FKBP5: variants seen among roughly 807,000 people sequenced by gnomAD.
FKBP5 encodes the protein peptidyl-prolyl cis-trans isomerase FKBP5.
A neutral mutation model predicts 50.5 loss-of-function variants in FKBP5; 23 were observed. The observed-to-expected ratio is 0.46, with a 90% confidence interval of 0.33 to 0.65. The LOEUF (loss-of-function observed/expected upper bound fraction) is 0.65, where lower values mean the gene tolerates loss of function less well. FKBP5 is among the 30% of genes least tolerant of loss of function. The probability of loss-of-function intolerance (pLI) is 0.02; values close to 1 mark genes in which losing one functional copy is unlikely to be tolerated. For missense variants in FKBP5, 411 were observed against 553.1 expected, an observed-to-expected ratio of 0.74 and a Z score of 2.58; for synonymous variants, 176 against 190.6, an observed-to-expected ratio of 0.92 and a Z score of 0.63.
chr6:35,633,612 T>C (rs1764227517), intron 3 of FKBP5, among the ~76,000 whole-genome samples: 1 of 152,112 alleles, frequency 6.6e-6, no homozygotes, highest in East Asian at 1.9e-4. Flanking sequence ...GTTTCTTGTT[T>C]TGTAGGCAAC....
At chr6:35,602,000 C>T (rs568971185) in intron 5 of FKBP5, among the ~76,000 whole-genome samples, 4 of 152,244 alleles carry the variant, frequency 2.6e-5, no homozygotes, top group Admixed American at 2.0e-4. Flanking sequence ...CCACATCAAG[C>T]GAGCTGCAAA....
At position 35,628,326 on chromosome 6, in the gene FKBP5, T is replaced by A. The variant is rs77772634; in HGVS notation, c.251-8052A>T. Among the ~76,000 whole-genome samples, 95 of 152,278 alleles carry A rather than the reference T, an allele frequency of 6.2e-4. 1 individual carries two copies. In the East Asian group the frequency reaches 0.011, roughly 18 times the overall value. ...ACATTTACATTTGAATATGAGCATC[T>A]TGAACACACTATAGGATGAAAGCTA... On this transcript the variant is annotated intron_variant, in intron 3 of 10. Transcript: ENST00000357266.
rs542584290 is a variant in FKBP5, at chr6:35,666,605, T to C, written c.-20+22199A>G. Among the ~76,000 whole-genome samples, 6 of 152,184 alleles carry C rather than the reference T, an allele frequency of 3.9e-5. 2 individuals are homozygous for C. The highest frequency in any genetic ancestry group is 3.3e-4 in the Admixed American group (5 of 15,280). Reference sequence around the variant, plus strand: ...TCTATTTGTGTAAAGAAAATGTATATGAAGGCTGGGCACGGTGGCTCACGC... The same window carrying C: ...TCTATTTGTGTAAAGAAAATGTATACGAAGGCTGGGCACGGTGGCTCACGC... On this transcript the variant is annotated intron_variant, in intron 1 of 10. Transcript: ENST00000357266.
chr6:35,629,323 C>A (rs1246706620), intron 3 of FKBP5, among the ~76,000 whole-genome samples: 1 of 152,138 alleles, frequency 6.6e-6, no homozygotes, highest in East Asian at 1.9e-4. Flanking sequence ...CCAGGCTGGT[C>A]TTGAACCCTT....
At chr6:35,692,804 A>AG (rs1225742407), upstream of FKBP5, among the ~76,000 whole-genome samples, 18 of 151,316 alleles carry the variant, frequency 1.2e-4, no homozygotes, top group Non-Finnish European at 2.1e-4. Context: ...AAAAAAAAAA[A>AG]AAAAGAAGAG....
intron 3 of FKBP5, 59 bp from the exon 4 acceptor site, chr6:35,620,333 T>C: frequency 1.3e-6 from 2 of 1,562,170 alleles, no homozygotes; most frequent in East Asian, 2.3e-5. Flanking sequence ...GATTTAACTT[T>C]CATAAAACCA....
chr6:35,692,063 G>C (rs78695908), upstream of FKBP5, among the ~76,000 whole-genome samples: 249 of 152,316 alleles, frequency 1.6e-3, 1 homozygote, highest in African/African-American at 5.6e-3. Flanking sequence ...TTGTGGAACT[G>C]CTCAAACCAC....
Position 35,574,418 on chromosome 6 carries a change from TTCTTAGGC to T in FKBP5, c.*1409_*1416del, listed in dbSNP as rs1762152203. The T allele has an allele frequency of 6.6e-6, 1 of 152,248 alleles. No individual in the cohort carries two copies. The highest frequency in any genetic ancestry group is 1.5e-5 in the Non-Finnish European group (1 of 68,044). The allele number at this position is 152,248 out of a possible 1,614,324, so 9.4% of individuals were successfully genotyped here. On this transcript the variant is annotated 3_prime_UTR_variant, in exon 11 of 11. Coordinates refer to ENST00000357266, the MANE Select transcript of FKBP5 (RefSeq NM_004117.4). ...TTGCCAAATGCATTCCCATGAGTGT[TTCTTAGGC>T]TGAGGGAATAGAGAGCCATGCTCAA... is the stretch of plus-strand genomic sequence containing the variant.
At chr6:35,686,144 G>A (rs1320918845) in intron 1 of FKBP5, among the ~76,000 whole-genome samples, 1 of 151,928 alleles carries the variant, frequency 6.6e-6, no homozygotes, top group East Asian at 1.9e-4. Flanking sequence ...TATACCTGAG[G>A]GTAAATGGCT....
At chr6:35,589,232 G>A (rs1242391188) in intron 7 of FKBP5, among the ~76,000 whole-genome samples, 6 of 150,100 alleles carry the variant, frequency 4.0e-5, no homozygotes, top group Middle Eastern at 6.8e-3. Flanking sequence ...GGGTTCAAGC[G>A]ATTCACCTGT....
At chr6:35,580,526 CTTTTTTTTTTTT>C (rs34594222) in intron 8 of FKBP5, 13 of 54,676 alleles carry the variant, frequency 2.4e-4, no homozygotes, top group East Asian at 6.6e-4. Context: ...ATTCTTTAGT[CTTTTTTTTTTTT>C]TTTTTTTTTT....
chr6:35,626,267 A>G (rs779719413), intron 3 of FKBP5, among the ~76,000 whole-genome samples: 11 of 152,218 alleles, frequency 7.2e-5, no homozygotes, highest in Non-Finnish European at 1.6e-4. Flanking sequence ...GGCAGGTGAA[A>G]AAGTTTAAAA....
rs1762250556 is a variant in FKBP5 at position 35,577,241 on chromosome 6, T to A, written c.1027-8A>T. 1.0e-5 allele frequency: 16 copies of A among 1,560,326 alleles called. No homozygotes were observed. The highest frequency in any genetic ancestry group is 1.3e-5 in the Non-Finnish European group (15 of 1,153,590). On this transcript the variant is annotated splice_region_variant and splice_polypyrimidine_tract_variant and intron_variant, in intron 9 of 10. Transcript: ENST00000357266. ...ACTGTCCAGTCCAAGGGCCTAGGAA[T>A]AGATGGTCTATATTTTAGAAAGGAC...
chr6:35,585,825 T>C, intron 8 of FKBP5: 1 of 985,372 alleles, frequency 1.0e-6, no homozygotes, highest in Non-Finnish European at 1.2e-6. Context: ...CCCAATATTG[T>C]CTCAGCTCAA....
At chr6:35,616,536 C>T (rs528648723) in intron 5 of FKBP5, among the ~76,000 whole-genome samples, 9 of 151,958 alleles carry the variant, frequency 5.9e-5, no homozygotes, top group South Asian at 2.1e-4. Flanking sequence ...TATAAGGGAA[C>T]GCGCTATACT....
At chr6:35,685,938 C>T (rs913345455) in intron 1 of FKBP5, among the ~76,000 whole-genome samples, 6 of 148,258 alleles carry the variant, frequency 4.0e-5, no homozygotes, top group South Asian at 2.1e-4. Context: ...GCCGAGACTG[C>T]GCCCTTGCAC....
rs928392571 is a variant in FKBP5 at position 35,704,912 on chromosome 6, C to T, written c.-20+15416G>A. 7.2e-5 allele frequency among the ~76,000 whole-genome samples: 11 copies of T among 151,748 alleles called. No individual in the cohort carries two copies. The South Asian group carries it at 1.5e-3, about 20-fold the overall frequency. On this transcript the variant is annotated intron_variant, in intron 2 of 11. Coordinates refer to the FKBP5 transcript ENST00000536438. ...ATCCCAGCACTTTGGGAGGCCGAGG[C>T]GGGCGGATCACGAGGTCAGGAAATC...
At chr6:35,688,485 C>G (rs1276005746) in intron 1 of FKBP5, among the ~76,000 whole-genome samples, 1 of 151,954 alleles carries the variant, frequency 6.6e-6, no homozygotes, top group African/African-American at 2.4e-5. Context: ...CGACCCGCCT[C>G]GCCTCTGCCG....
At chr6:35,679,525 A>C (rs1319137365) in intron 1 of FKBP5, among the ~76,000 whole-genome samples, 4 of 152,224 alleles carry the variant, frequency 2.6e-5, no homozygotes, top group Non-Finnish European at 4.4e-5. Context: ...GTTTTTGTTG[A>C]AAAATATATA....
Sources: allele counts gnomAD v4.1 joint callset (sites outside exome capture counted in the v4.1 genomes callset), GRCh38; gene constraint gnomAD v4.1.1; transcripts MANE v1.5; gene names NCBI Gene and HGNC (gene_info 2026-07-23, HGNC 2026-07-21).